PROM1: variants seen among roughly 807,000 people sequenced by gnomAD.
The protein encoded by PROM1 is prominin-1.
In PROM1, 105 loss-of-function variants were observed where a neutral mutation model predicts 116.9. The observed-to-expected ratio is 0.90, with a 90% confidence interval of 0.77 to 1.06. The LOEUF (loss-of-function observed/expected upper bound fraction) is 1.06. PROM1 is among the 50% of genes least tolerant of loss of function. The probability of loss-of-function intolerance (pLI) is 0.00; values close to 1 mark genes in which losing one functional copy is unlikely to be tolerated. For missense variants in PROM1, 1,122 were observed against 1,045.2 expected, an observed-to-expected ratio of 1.07 and a Z score of -1.01; for synonymous variants, 393 against 387.0, an observed-to-expected ratio of 1.02 and a Z score of -0.18.
At chr4:16,019,269 T>C (rs1000553502) in intron 8 of PROM1, among the ~76,000 whole-genome samples, 3 of 152,244 alleles carry the variant, frequency 2.0e-5, no homozygotes, top group Non-Finnish European at 2.9e-5. Flanking sequence ...CTCAACTTTA[T>C]GTTAGTGGAA....
chr4:16,066,452 T>C (rs927348243), intron 2 of PROM1, among the ~76,000 whole-genome samples: 3 of 152,144 alleles, frequency 2.0e-5, no homozygotes, highest in African/African-American at 7.2e-5. Flanking sequence ...AACTAACGAA[T>C]AGAGATTATT....
At chr4:15,977,932 C>T (rs1716632000) in intron 26 of PROM1, among the ~76,000 whole-genome samples, 1 of 152,156 alleles carries the variant, frequency 6.6e-6, no homozygotes, top group Non-Finnish European at 1.5e-5. Flanking sequence ...ACCATTTCTT[C>T]TCTGATCTGA....
At chr4:16,003,728 A>T (rs889044917) in intron 13 of PROM1, among the ~76,000 whole-genome samples, 1 of 152,180 alleles carries the variant, frequency 6.6e-6, no homozygotes, top group African/African-American at 2.4e-5. Context: ...AGGTCGGAGG[A>T]TCTCTTGAGA....
intron 5 of PROM1, among the ~76,000 whole-genome samples, chr4:16,025,868 T>A (rs941139718): frequency 2.6e-5 from 4 of 152,244 alleles, no homozygotes. Context: ...GGTTGGAAAG[T>A]AACATGAGTT....
At chr4:16,062,923 T>G (rs776877783) in intron 2 of PROM1, among the ~76,000 whole-genome samples, 8 of 152,152 alleles carry the variant, frequency 5.3e-5, no homozygotes, top group Non-Finnish European at 1.2e-4. Context: ...CCTTTTCCCC[T>G]AAAAGTTGCA....
chr4:15,999,470 TA>T (rs55902645), intron 14 of PROM1, among the ~76,000 whole-genome samples: 433 of 141,078 alleles, frequency 3.1e-3, no homozygotes, highest in Middle Eastern at 7.4e-3. Flanking sequence ...GACTCCGTCT[TA>T]AAAAAAAAAA....
chr4:15,974,110 CTCTCTCTT>C (rs1333244718), intron 26 of PROM1, among the ~76,000 whole-genome samples: 1 of 72,538 alleles, frequency 1.4e-5, no homozygotes, highest in Non-Finnish European at 3.8e-5. Flanking sequence ...CACACACACT[CTCTCTCTT>C]TCTCTCTCTC....
At chr4:16,049,435 C>T (rs1397329014) in intron 2 of PROM1, among the ~76,000 whole-genome samples, 1 of 152,134 alleles carries the variant, frequency 6.6e-6, no homozygotes, top group African/African-American at 2.4e-5. Context: ...ATAGTTTGAG[C>T]TCACGTAAAT....
chr4:15,968,702 G>T lies in PROM1; in HGVS notation c.*691C>A, dbSNP rs991636557. ...CTCTCTCTTTTGAATTTGTCAGATG[G>T]AGTTACGCAGGTTTCTCTATGATTG... On this transcript the variant is annotated 3_prime_UTR_variant, in exon 28 of 28. Coordinates refer to ENST00000447510, the MANE Select transcript of PROM1 (RefSeq NM_006017.3). 6.6e-6 allele frequency: 1 copy of T among 152,206 alleles called. No individual in the cohort carries two copies. Among genetic ancestry groups the T allele is most frequent in the Non-Finnish European group, 1.5e-5 (1 of 68,046 alleles). 9.4% of individuals were successfully genotyped at this position (152,206 alleles called of 1,614,324 possible). A position where few individuals can be genotyped will look rare whatever the true frequency, so the allele number is the denominator to read the frequency against.
chr4:15,988,432 C>T (rs9991791), intron 19 of PROM1, among the ~76,000 whole-genome samples: 4 of 152,040 alleles, frequency 2.6e-5, no homozygotes, highest in African/African-American at 4.8e-5. Context: ...TTTTATCTGC[C>T]ATAGTCCCAA....
chr4:16,006,570 A>C lies in PROM1; in HGVS notation c.1422T>G (p.Cys474Trp), dbSNP rs540719034. Residue 474 changes from cysteine (C) to tryptophan (W), a missense_variant, in exon 13 of 28, where the codon TGT becomes TGG. Coordinates refer to ENST00000447510, the MANE Select transcript of PROM1 (RefSeq NM_006017.3). ...DRHATPTTRG[C>W]VSNTGGVFLM... is the part of the protein sequence containing the mutation. ...GGAAGACGCCTCCGGTGTTGGAGAC[A>C]CAGCCTCGGGTGGTCGGGGTGGCAT... 2 of 1,601,348 alleles carry C rather than the reference A, an allele frequency of 1.2e-6. No homozygotes were observed. The highest frequency in any genetic ancestry group is 4.5e-5 in the East Asian group (2 of 44,284).
intron 2 of PROM1, among the ~76,000 whole-genome samples, chr4:16,071,924 C>T (rs1029979777): frequency 6.6e-6 from 1 of 152,190 alleles, no homozygotes; most frequent in Admixed American, 6.5e-5. Context: ...CCACCAATAT[C>T]CTTTCAGGTT....
At chr4:15,999,328 G>A (rs6850714) in intron 14 of PROM1, among the ~76,000 whole-genome samples, 5,578 of 151,968 alleles carry the variant, frequency 0.037, 351 homozygotes, top group African/African-American at 0.13. Context: ...AAAATTAGCC[G>A]CGCGTGGTGG....
chr4:16,005,214 C>T (rs1365122943), intron 13 of PROM1, among the ~76,000 whole-genome samples: 5 of 152,218 alleles, frequency 3.3e-5, no homozygotes, highest in South Asian at 2.1e-4. Context: ...CTGCCTGTCT[C>T]GGCCTCCCAA....
intron 2 of PROM1, among the ~76,000 whole-genome samples, chr4:16,056,495 T>C (rs1365052980): frequency 1.3e-5 from 2 of 152,096 alleles, no homozygotes; most frequent in African/African-American, 4.8e-5. Context: ...CTCTTCAAGA[T>C]GTTTAGAGTC....
intron 2 of PROM1, among the ~76,000 whole-genome samples, chr4:16,069,184 G>A (rs371751058): frequency 8.7e-4 from 133 of 152,296 alleles, no homozygotes; most frequent in Non-Finnish European, 1.6e-3. Context: ...GCAGTGAGCC[G>A]AGATCGTGCC....
chr4:15,979,958 C>A (rs971077483), intron 24 of PROM1, 54 bp from the exon 25 acceptor site: 11 of 1,069,660 alleles, frequency 1.0e-5, no homozygotes, highest in Non-Finnish European at 1.5e-5. Flanking sequence ...ATTATGAAAG[C>A]TCAGCAACTA....
chr4:15,983,144 A>G (rs1258543272), intron 23 of PROM1, among the ~76,000 whole-genome samples: 2 of 152,242 alleles, frequency 1.3e-5, no homozygotes, highest in Non-Finnish European at 2.9e-5. Context: ...ACATCTCTAA[A>G]GGAAAAGCAT....
At chr4:15,991,767 T>A (rs988343390) in intron 17 of PROM1, among the ~76,000 whole-genome samples, 1 of 151,406 alleles carries the variant, frequency 6.6e-6, no homozygotes, top group African/African-American at 2.4e-5. Flanking sequence ...ACCCCGTCTC[T>A]ACTAAAAATA....
Sources: gnomAD v4.1 joint callset for allele counts (sites outside exome capture counted in the v4.1 genomes callset) on GRCh38, gnomAD v4.1.1 for gene constraint, MANE v1.5 for transcripts, NCBI Gene and HGNC (gene_info 2026-07-23, HGNC 2026-07-21) for gene names.